Variants in WDR7 observed in about 807,000 individuals in gnomAD.
WDR7 encodes the protein WD repeat-containing protein 7.
WDR7 carries 46 observed loss-of-function variants against 169.4 expected under a neutral mutation model. The observed-to-expected ratio is 0.27, with a 90% CI of 0.21 to 0.35. The LOEUF is 0.35. Ranked by LOEUF, WDR7 falls within the 10% of genes least tolerant of loss-of-function variation. The probability of loss-of-function intolerance (pLI) is 1.00; values close to 1 mark genes in which losing one functional copy is unlikely to be tolerated. For synonymous variants in WDR7, 612 were observed against 666.8 expected (o/e 0.92, Z 1.27); for missense variants, 1,534 against 1,859.3 (o/e 0.83, Z 3.22).
chr18:56,902,628 C>G (rs2145569189), intron 21 of WDR7, among the ~76,000 whole-genome samples: 1 of 152,174 alleles, frequency 6.6e-6, no homozygotes, highest in Admixed American at 6.5e-5. Flanking sequence ...TTTTGAGGGT[C>G]AAAGATGGTC....
intron 2 of WDR7, among the ~76,000 whole-genome samples, chr18:56,677,380 T>C (rs2025266176): frequency 6.6e-6 from 1 of 152,136 alleles, no homozygotes; most frequent in Admixed American, 6.6e-5. Context: ...GAGACAGTAT[T>C]TCTCTGTTGC....
At chr18:57,034,216 A>G (rs1215231226), downstream of WDR7, 2 of 152,122 alleles carry the variant, frequency 1.3e-5, no homozygotes, top group Non-Finnish European at 2.9e-5. Context: ...AAAAAAATAA[A>G]TAAATAAAAA....
chr18:56,842,851 A>G (rs902987559), intron 20 of WDR7, among the ~76,000 whole-genome samples: 4 of 152,194 alleles, frequency 2.6e-5, no homozygotes, highest in African/African-American at 9.7e-5. Flanking sequence ...TACTGTCAGA[A>G]TTTTGGGGAG....
intron 20 of WDR7, among the ~76,000 whole-genome samples, chr18:56,835,510 C>A (rs2045381940): frequency 6.6e-6 from 1 of 152,142 alleles, no homozygotes; most frequent in Admixed American, 6.5e-5. Context: ...TAATCATCAT[C>A]AGGATTTTCA....
intron 20 of WDR7, among the ~76,000 whole-genome samples, chr18:56,845,493 A>T (rs548986073): frequency 6.7e-4 from 102 of 152,246 alleles, no homozygotes; most frequent in African/African-American, 2.4e-3. Flanking sequence ...AATGTAGTTT[A>T]CGGGGAGTAG....
intron 21 of WDR7, among the ~76,000 whole-genome samples, chr18:56,906,515 CTTTT>C (rs927352795): frequency 4.7e-5 from 7 of 149,126 alleles, no homozygotes; most frequent in African/African-American, 1.7e-4. Context: ...TTATATGCTT[CTTTT>C]TTCTTTTTCT....
intron 26 of WDR7, among the ~76,000 whole-genome samples, chr18:57,006,152 C>G (rs1490335806): frequency 2.6e-5 from 4 of 152,092 alleles, no homozygotes; most frequent in Middle Eastern, 3.2e-3. Flanking sequence ...TTAATAGCAT[C>G]TGTAATAAGG....
chr18:56,829,847 G>A (rs1457904364), intron 20 of WDR7, among the ~76,000 whole-genome samples: 2 of 152,158 alleles, frequency 1.3e-5, no homozygotes, highest in Admixed American at 1.3e-4. Flanking sequence ...TGTATGTGAT[G>A]TATGCAAGTT....
chr18:56,817,177 T>C (rs2044987799), intron 20 of WDR7, among the ~76,000 whole-genome samples: 1 of 151,900 alleles, frequency 6.6e-6, no homozygotes, highest in African/African-American at 2.4e-5. Flanking sequence ...AAATCCCGTC[T>C]CTACTAAAAA....
intron 22 of WDR7, among the ~76,000 whole-genome samples, chr18:56,925,851 C>T (rs182951020): frequency 2.0e-5 from 3 of 152,296 alleles, no homozygotes; most frequent in African/African-American, 7.2e-5. Context: ...TAAACTTTAC[C>T]TCGGTGTCTC....
chr18:56,809,843 A>T (rs899056596), intron 19 of WDR7, among the ~76,000 whole-genome samples: 3 of 152,012 alleles, frequency 2.0e-5, no homozygotes, highest in Non-Finnish European at 4.4e-5. Context: ...ACACTTTTAA[A>T]CATATTGTTC....
intron 21 of WDR7, among the ~76,000 whole-genome samples, chr18:56,895,028 A>C (rs1019707855): frequency 6.6e-6 from 1 of 152,060 alleles, no homozygotes; most frequent in Non-Finnish European, 1.5e-5. Flanking sequence ...AGCATGATAC[A>C]GAATATTAAG....
rs201910174 is a variant in WDR7, at chr18:56,722,760, C to T, written c.1774+4601C>T. Among the ~76,000 whole-genome samples the T allele has an allele frequency of 4.6e-5, 7 of 152,118 alleles. No homozygotes were observed. The East Asian group carries it at 1.2e-3, about 25-fold the overall frequency. On this transcript the variant is annotated intron_variant, in intron 13 of 27. Transcript: ENST00000254442. ...GCTTACTACTCCCTCCTCTCACAAC[C>T]CCTCCATGCAATTAATCACTAAGTC...
chr18:56,919,331 G>T (rs1392119943), intron 21 of WDR7, among the ~76,000 whole-genome samples: 2 of 152,162 alleles, frequency 1.3e-5, no homozygotes, highest in Admixed American at 1.3e-4. Context: ...CCCACTTCCT[G>T]CCTGGGAAGT....
At chr18:56,717,869 A>G in intron 12 of WDR7, 95 bp from the exon 13 acceptor site, 1 of 1,251,988 alleles carries the variant, frequency 8.0e-7, no homozygotes, top group Non-Finnish European at 1.1e-6. Context: ...AGTGGCAGCA[A>G]ATGTATAATT....
intron 1 of WDR7, among the ~76,000 whole-genome samples, chr18:56,663,550 C>G (rs1317162646): frequency 6.6e-6 from 1 of 151,984 alleles, no homozygotes; most frequent in African/African-American, 2.4e-5. Context: ...AGTGGTTCTA[C>G]ACACACAAAA....
intron 27 of WDR7, among the ~76,000 whole-genome samples, chr18:57,024,475 G>A (rs2048329848): frequency 6.6e-6 from 1 of 152,056 alleles, no homozygotes; most frequent in Non-Finnish European, 1.5e-5. Context: ...GTGAACATGG[G>A]GGTCTTTATC....
chr18:57,035,501 G>A, the WDR7 span: 3 of 152,302 alleles, frequency 2.0e-5, no homozygotes, highest in African/African-American at 2.4e-5. Flanking sequence ...TCAGAGTGAG[G>A]AGACTGCTGG....
chr18:56,977,282 A>G (rs2047581654), intron 26 of WDR7, among the ~76,000 whole-genome samples: 1 of 152,220 alleles, frequency 6.6e-6, no homozygotes, highest in South Asian at 2.1e-4. Context: ...AACATGTTAA[A>G]AGTAACTAGA....
Sources: allele counts gnomAD v4.1 joint callset (sites outside exome capture counted in the v4.1 genomes callset), GRCh38; gene constraint gnomAD v4.1.1; transcripts MANE v1.5; gene names NCBI Gene and HGNC (gene_info 2026-07-23, HGNC 2026-07-21).